SLC2A5: variants seen among roughly 807,000 people sequenced by gnomAD.
SLC2A5 encodes solute carrier family 2, facilitated glucose transporter member 5.
Under a neutral mutation model 50.3 loss-of-function variants are expected in SLC2A5, and 56 were observed. The ratio of observed to expected loss-of-function variants is 1.11; its 90% CI spans 0.90 to 1.39. SLC2A5 has a LOEUF of 1.39. SLC2A5 is among the 40% of genes most tolerant of loss of function. The pLI is 0.00. For synonymous variants in SLC2A5, 269 were observed against 281.9 expected (o/e 0.95, Z 0.46); for missense variants, 566 against 650.1 (o/e 0.87, Z 1.41).
intron 2 of SLC2A5, among the ~76,000 whole-genome samples, chr1:9,077,647 C>T (rs561287197): frequency 4.0e-5 from 6 of 148,304 alleles, no homozygotes; most frequent in South Asian, 2.2e-4. Context: ...TCCAGCTACT[C>T]GGGAGGCTGA....
chr1:9,049,644 A>G (rs1306057749), intron 3 of SLC2A5, among the ~76,000 whole-genome samples: 1 of 151,520 alleles, frequency 6.6e-6, no homozygotes, highest in Non-Finnish European at 1.5e-5. Context: ...CGGAGGTTGC[A>G]GTGAGCCGAG....
chr1:9,062,058 C>T (rs1160035671), intron 1 of SLC2A5, among the ~76,000 whole-genome samples: 1 of 152,190 alleles, frequency 6.6e-6, no homozygotes, highest in Non-Finnish European at 1.5e-5. Flanking sequence ...GGCTCACTCT[C>T]CTGGGAGTAG....
At position 9,037,950 on chromosome 1, in the gene SLC2A5, T is replaced by C. The variant is rs755633515; in HGVS notation, c.1249A>G (p.Ser417Gly). ...GTGAAGTTGGAGAGCCAGTGCACAC[T>C]GCCCCCCACCATGAAGGCAGATGGC... ...SRPSAFMVGG[S>G]VHWLSNFTVG... The change falls in exon 11 of 12, where the codon AGT (serine) becomes GGT (glycine). Residue 417 changes from serine to glycine, a missense_variant. Physicochemically the swap from Ser to Gly is moderately conservative, Grantham distance 56 (BLOSUM62 0). Coordinates refer to ENST00000377424, the MANE Select transcript of SLC2A5 (RefSeq NM_003039.3). 5.0e-6 allele frequency: 8 copies of C among 1,613,962 alleles called. No individual in the cohort carries two copies. Among genetic ancestry groups the C allele is most frequent in the Non-Finnish European group, 6.8e-6 (8 of 1,180,018 alleles).
chr1:9,056,682 C>T (rs930246937), intron 3 of SLC2A5, among the ~76,000 whole-genome samples: 3 of 152,000 alleles, frequency 2.0e-5, no homozygotes, highest in African/African-American at 7.2e-5. Flanking sequence ...TACGGGGGAG[C>T]GTGACATCTT....
chr1:9,037,569 T>C lies in SLC2A5; in HGVS notation c.*17A>G, dbSNP rs1295024558. The C allele has an allele frequency of 6.2e-7, 1 of 1,604,368 alleles. No homozygotes were observed. The highest frequency in any genetic ancestry group is 2.3e-5 in the East Asian group (1 of 44,286). On this transcript the variant is annotated 3_prime_UTR_variant, in exon 12 of 12. Coordinates refer to ENST00000377424, the MANE Select transcript of SLC2A5 (RefSeq NM_003039.3). ...GAAGCCCCTGGCAGACCAGCTCCACTGGCTTCCTCTCCAGAGTCACTGTTC... is the reference window on the plus strand; with the variant it reads ...GAAGCCCCTGGCAGACCAGCTCCACCGGCTTCCTCTCCAGAGTCACTGTTC...
chr1:9,074,619 A>G (rs769244837), upstream of SLC2A5, among the ~76,000 whole-genome samples: 4 of 151,816 alleles, frequency 2.6e-5, no homozygotes, highest in Non-Finnish European at 4.4e-5. Flanking sequence ...TTTCAGCTTA[A>G]TTTTGTTTTT....
At chr1:9,038,353 A>G in intron 10 of SLC2A5, 78 bp downstream of exon 10, 4 of 1,041,522 alleles carry the variant, frequency 3.8e-6, no homozygotes, top group Non-Finnish European at 6.0e-6. Flanking sequence ...CATCCCTGGT[A>G]TCTCTAAGGA....
At chr1:9,049,219 TA>T (rs1419838968) in intron 3 of SLC2A5, 5 of 455,944 alleles carry the variant, frequency 1.1e-5, no homozygotes, top group Admixed American at 7.1e-5. Flanking sequence ...CCAGCATTCC[TA>T]AACACTGAGA....
chr1:9,051,336 T>C (rs1156371955), intron 3 of SLC2A5, among the ~76,000 whole-genome samples: 1 of 152,128 alleles, frequency 6.6e-6, no homozygotes, highest in Non-Finnish European at 1.5e-5. Flanking sequence ...CTTTCTGCTC[T>C]GTGAAAGACA....
In SLC2A5 at chr1:9,075,503, G is replaced by C. The variant is rs370455299; in HGVS notation, c.-58-5909C>G. ...ATCTTTCTCTACCTACAACTGTCTT[G>C]GTAAATTCTTTTACTCCCGTGCCAC... On this transcript the variant is annotated intron_variant, in intron 2 of 5. Coordinates refer to the SLC2A5 transcript ENST00000464985. 2.6e-4 allele frequency among the ~76,000 whole-genome samples: 39 copies of C among 152,090 alleles called. No individual in the cohort carries two copies. In the South Asian group the frequency reaches 8.1e-3, roughly 32 times the overall value.
chr1:9,049,853 C>T (rs960219196), intron 3 of SLC2A5, among the ~76,000 whole-genome samples: 6 of 152,114 alleles, frequency 3.9e-5, no homozygotes, highest in South Asian at 2.1e-4. Context: ...AAAGATGGTG[C>T]TGGGCTGGGT....
chr1:9,082,830 T>C (rs972193257), intron 2 of SLC2A5: 5 of 389,952 alleles, frequency 1.3e-5, no homozygotes, highest in African/African-American at 7.1e-5. Flanking sequence ...GTAACAGCTG[T>C]GGGCATTCTA....
chr1:9,076,722 C>T (rs1557684499), intron 2 of SLC2A5, among the ~76,000 whole-genome samples: 1 of 151,822 alleles, frequency 6.6e-6, no homozygotes, highest in African/African-American at 2.4e-5. Context: ...GGACTGCAAC[C>T]CAGGAGCATA....
intron 2 of SLC2A5, among the ~76,000 whole-genome samples, chr1:9,084,129 G>T (rs1421073858): frequency 1.3e-5 from 2 of 151,628 alleles, no homozygotes; most frequent in African/African-American, 4.8e-5. Flanking sequence ...GGGCGACAGC[G>T]AGACTCCGTC....
rs377609983 is a variant in SLC2A5 at position 9,054,909 on chromosome 1, G to A, written c.293+2539C>T. On this transcript the variant is annotated intron_variant, in intron 3 of 11. Coordinates refer to ENST00000377424, the MANE Select transcript of SLC2A5 (RefSeq NM_003039.3). ...ACTGCACTCCCACCTAGGTGACAGA[G>A]TGAGACCCTGTCTCACACATATATA... Among the ~76,000 whole-genome samples, 34 of 152,294 alleles carry A rather than the reference G, an allele frequency of 2.2e-4. 1 individual carries two copies. Among genetic ancestry groups the A allele is most frequent in the African/African-American group, 8.2e-4 (34 of 41,550 alleles).
At position 9,040,412 on chromosome 1, in the gene SLC2A5, C is replaced by G. The variant is rs878972317; in HGVS notation, c.572-223G>C. The G allele has an allele frequency of 1.8e-5, 10 of 567,436 alleles. No individual in the cohort carries two copies. In the South Asian group the frequency reaches 1.9e-4, roughly 11 times the overall value. 35.2% of individuals were successfully genotyped at this position (567,436 alleles called of 1,614,324 possible). The stretch of plus-strand genomic sequence containing the variant: ...CCCTGCGCCCATCAGACAGACCACA[C>G]CGACGAGGCCGGTAATACCATGTGC... On this transcript the variant is annotated intron_variant, in intron 5 of 11. Transcript: ENST00000377424. This position sits in a 1 kb window ranked among gnomAD's most constrained non-coding sequence, Gnocchi z 4.3.
intron 3 of SLC2A5, among the ~76,000 whole-genome samples, chr1:9,056,897 G>T (rs1641767795): frequency 6.6e-6 from 1 of 152,128 alleles, no homozygotes; most frequent in Non-Finnish European, 1.5e-5. Context: ...CTGCCCGAGG[G>T]CCTGTAGATC....
In SLC2A5 at chr1:9,059,435, G is replaced by A. The variant is rs1164797902; in HGVS notation, c.34-1185C>T. Among the ~76,000 whole-genome samples the A allele has an allele frequency of 4.6e-5, 7 of 151,690 alleles. No individual in the cohort carries two copies. The South Asian group carries it at 8.3e-4, about 18-fold the overall frequency. The stretch of plus-strand genomic sequence containing the variant: ...TGGGATTACAGGCGTGAGCCACCAC[G>A]CCTGGCCAGAGAGCCCCCTTTCACA... On this transcript the variant is annotated intron_variant, in intron 1 of 11. Coordinates refer to ENST00000377424, the MANE Select transcript of SLC2A5 (RefSeq NM_003039.3).
rs564327289 is a variant in SLC2A5 at position 9,040,511 on chromosome 1, C to T, written c.572-322G>A. 38 of 296,540 alleles carry T rather than the reference C, an allele frequency of 1.3e-4. No individual in the cohort carries two copies. The highest frequency in any genetic ancestry group is 1.1e-3 in the Middle Eastern group (1 of 952). 18.4% of individuals were successfully genotyped at this position (296,540 alleles called of 1,614,324 possible). A position where few individuals can be genotyped will look rare whatever the true frequency, so the allele number is the denominator to read the frequency against. On this transcript the variant is annotated intron_variant, in intron 5 of 11. Coordinates refer to ENST00000377424, the MANE Select transcript of SLC2A5 (RefSeq NM_003039.3). The surrounding 1 kb of genome is among the most constrained non-coding windows in gnomAD (Gnocchi z 4.3). ...GAGGAGCTGGGCATACCCGGCCTGA[C>T]CCAACTGCCCACTCCCAGCTCTATG... is the stretch of plus-strand genomic sequence containing the variant.
Sources: gnomAD v4.1 joint callset for allele counts (sites outside exome capture counted in the v4.1 genomes callset) on GRCh38, gnomAD v4.1.1 for gene constraint, Gnocchi (gnomAD v3.1) non-coding constraint, MANE v1.5 for transcripts, NCBI Gene and HGNC (gene_info 2026-07-23, HGNC 2026-07-21) for gene names.